Variants in CSF2RA observed in about 807,000 individuals in gnomAD.
CSF2RA encodes the protein colony stimulating factor 2 receptor subunit alpha, also known as granulocyte-macrophage colony-stimulating factor receptor subunit alpha.
Under a neutral mutation model 51.6 loss-of-function variants are expected in CSF2RA, and 42 were observed. The observed-to-expected ratio is 0.81, with a 90% confidence interval of 0.64 to 1.05. CSF2RA has a LOEUF of 1.05. Among genes scored for constraint, CSF2RA ranks in the 50% least tolerant of loss-of-function variants. The pLI, the probability that CSF2RA is intolerant of heterozygous loss-of-function variation, is 0.00. For missense variants in CSF2RA, 530 were observed against 501.1 expected (o/e 1.06, Z -0.55); for synonymous variants, 222 against 193.0 (o/e 1.15, Z -1.24).
intron 9 of CSF2RA, among the ~76,000 whole-genome samples, chrX:1,299,941 G>A (rs2148585725): frequency 6.6e-6 from 1 of 151,600 alleles, no homozygotes; most frequent in African/African-American, 2.4e-5. Flanking sequence ...AAAGAGGCCG[G>A]GCGTGGTGGC....
chrX:1,283,037 A>G (rs2090217826), intron 3 of CSF2RA, among the ~76,000 whole-genome samples: 1 of 152,024 alleles, frequency 6.6e-6, no homozygotes, highest in Non-Finnish European at 1.5e-5. Flanking sequence ...CCCAACGACC[A>G]TCCAGGTAGT....
downstream of CSF2RA, among the ~76,000 whole-genome samples, chrX:1,312,082 G>A (rs1158389021): frequency 1.3e-5 from 2 of 151,884 alleles, no homozygotes; most frequent in African/African-American, 2.4e-5. Context: ...TCAGCCTCTC[G>A]AGTAGCTGGG....
At chrX:1,304,542 G>C (rs2083352665) in intron 11 of CSF2RA, among the ~76,000 whole-genome samples, 1 of 151,774 alleles carries the variant, frequency 6.6e-6, no homozygotes, top group Non-Finnish European at 1.5e-5. Flanking sequence ...GGCAGCTTCA[G>C]GGAGTCTGAA....
At chrX:1,317,869 G>A in the CSF2RA span, among the ~76,000 whole-genome samples, 10 of 151,782 alleles carry the variant, frequency 6.6e-5, no homozygotes, top group African/African-American at 7.3e-5. Context: ...GTGCAGTGGC[G>A]ACTCTTGGCT....
Position 1,280,090 on chromosome X carries a change from G to A in CSF2RA, c.-26-2588G>A, listed in dbSNP as rs140991609. ...CAGGCGTGAGCCACTGTGCCCGGCCGAGAGACGCAATCTTTCAGAGAGGAG... is the reference window on the plus strand; with the variant it reads ...CAGGCGTGAGCCACTGTGCCCGGCCAAGAGACGCAATCTTTCAGAGAGGAG... On this transcript the variant is annotated intron_variant, in intron 2 of 12. Coordinates refer to ENST00000381529, the MANE Select transcript of CSF2RA (RefSeq NM_172245.4). Among the ~76,000 whole-genome samples, 269 of 152,028 alleles carry A rather than the reference G, an allele frequency of 1.8e-3. 3 individuals are homozygous for A. Among genetic ancestry groups the A allele is most frequent in the African/African-American group, 6.3e-3 (261 of 41,520 alleles).
chrX:1,319,305 A>C, the CSF2RA span, among the ~76,000 whole-genome samples: 2 of 132,900 alleles, frequency 1.5e-5, no homozygotes, highest in East Asian at 2.4e-4. Context: ...CTCCTTTTTA[A>C]ATTTTTGAGA....
chrX:1,310,641 G>C (rs28634562), downstream of CSF2RA, among the ~76,000 whole-genome samples: 74,975 of 147,208 alleles, frequency 0.51, 23,006 homozygotes, highest in African/African-American at 0.83. Flanking sequence ...GCACTCCAGC[G>C]TGGATGACAT....
At chrX:1,307,136 TAGGCTGGC>T (rs1243123121) in intron 12 of CSF2RA, among the ~76,000 whole-genome samples, 1 of 152,130 alleles carries the variant, frequency 6.6e-6, no homozygotes, top group Non-Finnish European at 1.5e-5. Flanking sequence ...TATGTTGCAG[TAGGCTGGC>T]AGGCTGGAAA....
chrX:1,280,791 G>A (rs1184215570), intron 2 of CSF2RA, among the ~76,000 whole-genome samples: 1 of 136,320 alleles, frequency 7.3e-6, no homozygotes, highest in South Asian at 2.4e-4. Flanking sequence ...GAAGTATATT[G>A]ACATGGATCC....
chrX:1,273,861 G>A (rs28475317), intron 1 of CSF2RA, among the ~76,000 whole-genome samples: 3,112 of 151,618 alleles, frequency 0.021, 111 homozygotes, highest in African/African-American at 0.072. Flanking sequence ...GCCTCCCGAA[G>A]TGCTGGGATG....
intron 2 of CSF2RA, among the ~76,000 whole-genome samples, chrX:1,281,117 T>C (rs2089976615): frequency 9.2e-6 from 1 of 108,468 alleles, no homozygotes; most frequent in African/African-American, 3.8e-5. Flanking sequence ...CTCCTTCTCC[T>C]CCTCCTCCTC....
the CSF2RA span, among the ~76,000 whole-genome samples, chrX:1,316,260 T>TGATA: frequency 0.031 from 2,888 of 93,954 alleles, 39 homozygotes; most frequent in South Asian, 0.066. Flanking sequence ...ATTAGATAGA[T>TGATA]GATAGATAGA....
chrX:1,290,156 G>C (rs1356309498), intron 6 of CSF2RA, among the ~76,000 whole-genome samples, 181 bp from the exon 7 acceptor site: 1 of 93,888 alleles, frequency 1.1e-5, no homozygotes, highest in South Asian at 3.5e-4. Flanking sequence ...TTTTCGTTTT[G>C]TTTTGTGTTT....
At chrX:1,302,018 G>A (rs2083022364) in intron 10 of CSF2RA, among the ~76,000 whole-genome samples, 1 of 150,276 alleles carries the variant, frequency 6.7e-6, no homozygotes, top group Admixed American at 6.7e-5. Flanking sequence ...CCAGGTTCAA[G>A]CAATTCTCCA....
intron 3 of CSF2RA, among the ~76,000 whole-genome samples, chrX:1,283,663 G>T (rs1303872807): frequency 1.3e-5 from 2 of 151,582 alleles, no homozygotes; most frequent in South Asian, 2.1e-4. Flanking sequence ...AGCCTCCCGG[G>T]TTCAAGCGAT....
chrX:1,320,823 C>A, the CSF2RA span, among the ~76,000 whole-genome samples: 1 of 150,834 alleles, frequency 6.6e-6, no homozygotes, highest in African/African-American at 2.4e-5. Context: ...TTTTGTCAAC[C>A]TTATGATCTC....
downstream of CSF2RA, among the ~76,000 whole-genome samples, chrX:1,314,883 C>T (rs867216122): frequency 1.4e-4 from 10 of 71,110 alleles, 2 homozygotes; most frequent in African/African-American, 4.7e-4. Context: ...CTGCACCTGC[C>T]CAACCACACT....
chrX:1,312,081 C>T (rs1303910963), downstream of CSF2RA, among the ~76,000 whole-genome samples: 2 of 152,124 alleles, frequency 1.3e-5, no homozygotes, highest in South Asian at 2.1e-4. Context: ...CTCAGCCTCT[C>T]GAGTAGCTGG....
intron 2 of CSF2RA, among the ~76,000 whole-genome samples, chrX:1,275,261 G>C (rs766495689): frequency 1.3e-5 from 2 of 152,008 alleles, no homozygotes; most frequent in South Asian, 4.1e-4. Context: ...TGTAGTGGCA[G>C]TTGCCTCTAG....
Sources: gnomAD v4.1 joint callset for allele counts (sites outside exome capture counted in the v4.1 genomes callset) on GRCh38, gnomAD v4.1.1 for gene constraint, MANE v1.5 for transcripts, NCBI Gene and HGNC (gene_info 2026-07-23, HGNC 2026-07-21) for gene names.